Variants in BACE1 observed in about 807,000 individuals in gnomAD.
BACE1 encodes APP beta-secretase.
In BACE1, 21 loss-of-function variants were observed where a neutral mutation model predicts 54.0. That is an observed-to-expected ratio of 0.39 (90% CI 0.28 to 0.56). The LOEUF (loss-of-function observed/expected upper bound fraction) is 0.56, where lower values mean the gene tolerates loss of function less well. BACE1 is among the 20% of genes least tolerant of loss of function. The probability of loss-of-function intolerance (pLI) is 0.63; values close to 1 mark genes in which losing one functional copy is unlikely to be tolerated. For missense variants in BACE1, 511 were observed against 661.2 expected (o/e 0.77, Z 2.49); for synonymous variants, 232 against 260.9 (o/e 0.89, Z 1.07).
At chr11:117,294,622 G>T (rs1001829778) in intron 3 of BACE1, among the ~76,000 whole-genome samples, 1 of 151,822 alleles carries the variant, frequency 6.6e-6, no homozygotes, top group African/African-American at 2.4e-5. Flanking sequence ...GGTGGTTCAT[G>T]CCTGTAATCC....
At chr11:117,298,792 C>A (rs1308278404) in intron 1 of BACE1, among the ~76,000 whole-genome samples, 1 of 152,146 alleles carries the variant, frequency 6.6e-6, no homozygotes, top group Non-Finnish European at 1.5e-5. Context: ...TCCCTTCTGT[C>A]CAGCTCTTTC....
chr11:117,310,009 A>G (rs2034910852), intron 1 of BACE1, among the ~76,000 whole-genome samples: 1 of 152,114 alleles, frequency 6.6e-6, no homozygotes, highest in South Asian at 2.1e-4. Flanking sequence ...CACGGGCTCA[A>G]GCGATTCTCC....
chr11:117,297,045 C>T (rs2034617752), intron 1 of BACE1, 84 bp from the exon 2 acceptor site: 2 of 998,986 alleles, frequency 2.0e-6, no homozygotes, highest in African/African-American at 1.6e-5. Context: ...GCCCCAGCCA[C>T]AGTCTGCCCC....
At chr11:117,313,749 G>A (rs1384104871) in intron 1 of BACE1, among the ~76,000 whole-genome samples, 2 of 152,186 alleles carry the variant, frequency 1.3e-5, no homozygotes, top group Non-Finnish European at 2.9e-5. Flanking sequence ...AAACGTGGAG[G>A]CCCAGGACAT....
chr11:117,308,055 G>A (rs370521497), intron 1 of BACE1, among the ~76,000 whole-genome samples: 1 of 151,854 alleles, frequency 6.6e-6, no homozygotes, highest in African/African-American at 2.4e-5. Flanking sequence ...TTGGGGCGGG[G>A]GGATGGGGAT....
intron 1 of BACE1, among the ~76,000 whole-genome samples, chr11:117,305,456 C>T (rs1410973195): frequency 6.6e-6 from 1 of 152,156 alleles, no homozygotes; most frequent in Non-Finnish European, 1.5e-5. Context: ...CTCTGCCTTC[C>T]ACTTGCCTCT....
chr11:117,290,737 C>T, intron 7 of BACE1, 78 bp from the exon 8 acceptor site: 1 of 1,574,590 alleles, frequency 6.4e-7, no homozygotes, highest in South Asian at 1.2e-5. Context: ...CATCTATGCC[C>T]TTCCCTTTAC....
In BACE1 at chr11:117,287,124, C is replaced by G. The variant is rs1369347771; in HGVS notation, c.*2442G>C. On this transcript the variant is annotated 3_prime_UTR_variant, in exon 9 of 9. Transcript: ENST00000313005. The stretch of plus-strand genomic sequence containing the variant: ...AAAAAAGGAAGGGGTGAGGAGGGGG[C>G]TTAACTGCTTCCCAGTAAAGACCCT... 6.6e-6 allele frequency: 1 copy of G among 152,176 alleles called. No individual in the cohort carries two copies. The highest frequency in any genetic ancestry group is 1.5e-5 in the Non-Finnish European group (1 of 68,042). 9.4% of individuals were successfully genotyped at this position (152,176 alleles called of 1,614,324 possible).
chr11:117,289,874 C>T, intron 8 of BACE1, 67 bp from the exon 9 acceptor site: 1 of 1,435,774 alleles, frequency 7.0e-7, no homozygotes. Flanking sequence ...AAAGAACTTC[C>T]TGATAGTGAG....
intron 1 of BACE1, among the ~76,000 whole-genome samples, chr11:117,314,078 G>A (rs2035016143): frequency 6.6e-6 from 1 of 152,206 alleles, no homozygotes; most frequent in East Asian, 1.9e-4. Flanking sequence ...AAGCTTGTGT[G>A]GGTTCTGCAG....
chr11:117,290,747 C>T (rs1393399863), intron 7 of BACE1, 88 bp from the exon 8 acceptor site: 4 of 1,568,096 alleles, frequency 2.6e-6, no homozygotes, highest in Non-Finnish European at 3.5e-6. Context: ...CTTCCCTTTA[C>T]CATCCCTGAG....
At chr11:117,292,279 C>T (rs1267871415) in intron 5 of BACE1, 1 of 146,010 alleles carries the variant, frequency 6.8e-6, no homozygotes, top group African/African-American at 2.6e-5. Flanking sequence ...TAACCTCTGC[C>T]TCCTGGATTC....
chr11:117,293,224 C>A lies in BACE1; in HGVS notation c.706-36G>T. On this transcript the variant is annotated intron_variant, in intron 4 of 8. Transcript: ENST00000313005. This position sits in a 1 kb window ranked among gnomAD's most constrained non-coding sequence, Gnocchi z 4.1. ...AAAGAGGCAGGTACCCGTGTCCTGG[C>A]ACAGAAGGAGAGTGAGTCCCCCAAG... 1 of 1,608,558 alleles carries A rather than the reference C, an allele frequency of 6.2e-7. No individual in the cohort carries two copies. Among genetic ancestry groups the A allele is most frequent in the Non-Finnish European group, 8.5e-7 (1 of 1,177,676 alleles).
rs1284559019 is a variant in BACE1, at chr11:117,293,184, A to G, written c.710T>C (p.Ile237Thr). ...GTACAGCGAGTGGTCGATACCTCCA[A>G]TGATCTAGGGAAAAAAAGAGGCAGG... ...VLASVGGSMI[I>T]GGIDHSLYTG... is the part of the protein sequence containing the mutation. The change falls in exon 5 of 9, where the codon ATT becomes ACT. Residue 237 changes from isoleucine to threonine, a missense_variant. Transcript: ENST00000313005. This position sits in a 1 kb window ranked among gnomAD's most constrained non-coding sequence, Gnocchi z 4.1. 1.2e-6 allele frequency: 2 copies of G among 1,613,428 alleles called. No homozygotes were observed. The highest frequency in any genetic ancestry group is 2.7e-5 in the African/African-American group (2 of 74,836).
chr11:117,315,541 C>CG lies in BACE1; in HGVS notation c.254dup (p.Gln86AlafsTer13), dbSNP rs774775625. ...GCTGGCCTGACCACCTTACCGTCTGCGGGGGGCTGCCCACGGTCATCTCCA... is the reference window on the plus strand; with the variant it reads ...GCTGGCCTGACCACCTTACCGTCTGCGGGGGGGCTGCCCACGGTCATCTCCA... On this transcript the variant is annotated frameshift_variant, in exon 1 of 9. Coordinates refer to ENST00000313005, the MANE Select transcript of BACE1 (RefSeq NM_012104.6). LOFTEE classifies it high-confidence loss of function. The surrounding 1 kb of genome is among the most constrained non-coding windows in gnomAD (Gnocchi z 5.5). The CG allele has an allele frequency of 5.7e-6, 9 of 1,582,168 alleles. No homozygotes were observed. Among genetic ancestry groups the CG allele is most frequent in the East Asian group, 2.5e-5 (1 of 40,578 alleles).
In BACE1 at chr11:117,289,689, G is replaced by A. The variant is rs768095323; in HGVS notation, c.1383C>T (p.Val461=). 2.2e-5 allele frequency: 35 copies of A among 1,614,098 alleles called. No individual in the cohort carries two copies. The East Asian group carries it at 7.1e-4, about 33-fold the overall frequency. ...DESTLMTIAY[V]MAAICALFML... ...TGAAGAGGGCGCAGATGGCAGCCAT[G>A]ACATAGGCTATGGTCATGAGGGTTG... The change falls in exon 9 of 9, where the codon GTC becomes GTT. Residue 461 remains valine, a synonymous_variant. Transcript: ENST00000313005.
chr11:117,294,206 C>A, intron 3 of BACE1, 198 bp from the exon 4 acceptor site: 5 of 413,284 alleles, frequency 1.2e-5, no homozygotes, highest in Middle Eastern at 6.4e-4. Flanking sequence ...GATAGGTTCA[C>A]AGATTCATAG....
chr11:117,298,978 G>C (rs1023107551), intron 1 of BACE1, among the ~76,000 whole-genome samples: 2 of 152,134 alleles, frequency 1.3e-5, no homozygotes, highest in African/African-American at 4.8e-5. Flanking sequence ...GCTAATTTTT[G>C]TATTTTTAGT....
chr11:117,293,813 G>A lies in BACE1; in HGVS notation c.705+58C>T. The A allele has an allele frequency of 1.3e-6, 2 of 1,550,852 alleles. No individual in the cohort carries two copies. The highest frequency in any genetic ancestry group is 1.7e-6 in the Non-Finnish European group (2 of 1,147,834). On this transcript the variant is annotated intron_variant, in intron 4 of 8. Transcript: ENST00000313005. The surrounding 1 kb of genome is among the most constrained non-coding windows in gnomAD (Gnocchi z 4.1). ...TGGTGTAGCTTTCAGGAAGGGGAGAGGATGGCACCCATCTCTCCCTCAATG... is the reference window on the plus strand; with the variant it reads ...TGGTGTAGCTTTCAGGAAGGGGAGAAGATGGCACCCATCTCTCCCTCAATG...
Sources: gnomAD v4.1 joint callset for allele counts (sites outside exome capture counted in the v4.1 genomes callset) on GRCh38, gnomAD v4.1.1 for gene constraint, Gnocchi (gnomAD v3.1) non-coding constraint, MANE v1.5 for transcripts, NCBI Gene and HGNC (gene_info 2026-07-23, HGNC 2026-07-21) for gene names.